Variants in SULF2 observed in about 807,000 individuals in gnomAD.
The protein encoded by SULF2 is extracellular sulfatase Sulf-2.
Under a neutral mutation model 107.7 loss-of-function variants are expected in SULF2, and 52 were observed. The observed-to-expected ratio is 0.48, with a 90% CI of 0.39 to 0.61. The LOEUF is 0.61. SULF2 is among the 20% of genes least tolerant of loss of function. The probability of loss-of-function intolerance (pLI) is 0.00; values close to 1 mark genes in which losing one functional copy is unlikely to be tolerated. For synonymous variants in SULF2, 460 were observed against 464.3 expected (o/e 0.99, Z 0.12); for missense variants, 993 against 1,177.3 (o/e 0.84, Z 2.29).
At chr20:47,663,038 AC>A in intron 17 of SULF2, 31 bp downstream of exon 17, 1 of 1,613,346 alleles carries the variant, frequency 6.2e-7, no homozygotes, top group South Asian at 1.1e-5. Flanking sequence ...TGTACCCCAC[AC>A]CCCCATCCCT....
At chr20:47,718,945 G>T (rs748740474) in intron 3 of SULF2, among the ~76,000 whole-genome samples, 3 of 152,222 alleles carry the variant, frequency 2.0e-5, no homozygotes, top group Non-Finnish European at 4.4e-5. Context: ...TGAGGAAGAG[G>T]TTCTTAATCT....
chr20:47,675,148 C>A (rs1353088947), intron 10 of SULF2, among the ~76,000 whole-genome samples: 1 of 152,212 alleles, frequency 6.6e-6, no homozygotes, highest in Non-Finnish European at 1.5e-5. Context: ...GGGGACTTGA[C>A]AACGTTCCCT....
At chr20:47,739,354 C>A (rs1233124813) in intron 2 of SULF2, among the ~76,000 whole-genome samples, 1 of 152,160 alleles carries the variant, frequency 6.6e-6, no homozygotes, top group African/African-American at 2.4e-5. Context: ...GCTCAGCAAT[C>A]AGCTGCTTCT....
rs181561019 is a variant in SULF2 at position 47,691,220 on chromosome 20, A to G, written c.568-925T>C. On this transcript the variant is annotated intron_variant, in intron 4 of 20. Coordinates refer to ENST00000688720, the MANE Select transcript of SULF2 (RefSeq NM_001387048.1). ...GGCAGGAGCAGACACATGTATAAAT[A>G]AAGAACCAAGGTAGTTAAAAGTTAT... Among the ~76,000 whole-genome samples the G allele has an allele frequency of 2.1e-3, 327 of 152,324 alleles. 3 individuals carry two copies. Among genetic ancestry groups the G allele is most frequent in the Non-Finnish European group, 1.4e-3 (95 of 68,032 alleles).
At chr20:47,688,279 G>C (rs1252928440) in intron 5 of SULF2, among the ~76,000 whole-genome samples, 1 of 151,884 alleles carries the variant, frequency 6.6e-6, no homozygotes, top group East Asian at 1.9e-4. Context: ...TCTCTTTTTT[G>C]GTTTCTTTCG....
Position 47,658,244 on chromosome 20 carries a change from C to CT in SULF2, c.*117dup. On this transcript the variant is annotated 3_prime_UTR_variant, in exon 21 of 21. Transcript: ENST00000688720. The stretch of plus-strand genomic sequence containing the variant: ...CATGTTGACTGAGAGTGCGTGCTTG[C>CT]TTTCTCAGGCCTCCTGGCCAATACC... 1 of 1,072,208 alleles carries CT rather than the reference C, an allele frequency of 9.3e-7. No individual in the cohort carries two copies. The highest frequency in any genetic ancestry group is 1.5e-6 in the Non-Finnish European group (1 of 689,114). The allele number at this position is 1,072,208 out of a possible 1,614,324, so 66.4% of individuals were successfully genotyped here. A position where few individuals can be genotyped will look rare whatever the true frequency, so the allele number is the denominator to read the frequency against.
At chr20:47,728,632 A>G (rs973138945) in intron 3 of SULF2, among the ~76,000 whole-genome samples, 7 of 151,282 alleles carry the variant, frequency 4.6e-5, no homozygotes, top group Non-Finnish European at 1.0e-4. Flanking sequence ...CGCTGCTTCC[A>G]GGGAGCTGGC....
At chr20:47,730,452 T>C (rs2089565248) in intron 3 of SULF2, among the ~76,000 whole-genome samples, 1 of 152,084 alleles carries the variant, frequency 6.6e-6, no homozygotes, top group African/African-American at 2.4e-5. Flanking sequence ...GCCTTTTTGT[T>C]GTTGTTACTT....
rs6125083 is a variant in SULF2 at position 47,715,137 on chromosome 20, G to A, written c.416-12467C>T. On this transcript the variant is annotated intron_variant, in intron 3 of 20. Coordinates refer to ENST00000688720, the MANE Select transcript of SULF2 (RefSeq NM_001387048.1). ...TGTAGAGACAGGGTTTCATTATGTT[G>A]CCCAGGCTGGTCTCAATGCCTGGGC... 3.5e-5 allele frequency among the ~76,000 whole-genome samples: 4 copies of A among 114,828 alleles called. No homozygotes were observed. In the East Asian group the frequency reaches 7.1e-4, roughly 20 times the overall value. The allele number at this position is 114,828 out of a possible 152,430, so 75.3% of individuals were successfully genotyped here.
chr20:47,780,460 C>A (rs2090810026), intron 1 of SULF2, among the ~76,000 whole-genome samples: 1 of 152,206 alleles, frequency 6.6e-6, no homozygotes, highest in Non-Finnish European at 1.5e-5. Context: ...TTCCTAAAAT[C>A]TAGGTCACAG....
intron 1 of SULF2, among the ~76,000 whole-genome samples, chr20:47,758,397 C>G (rs532172838): frequency 2.4e-4 from 37 of 152,266 alleles, no homozygotes; most frequent in South Asian, 4.2e-4. Flanking sequence ...TCTTGAACTC[C>G]TGAACTCAGG....
intron 18 of SULF2, 25 bp from the exon 19 acceptor site, chr20:47,659,755 A>C: frequency 6.2e-7 from 1 of 1,602,640 alleles, no homozygotes; most frequent in Non-Finnish European, 8.5e-7. Context: ...AATGAAAAAC[A>C]AAACAGGAGC....
intron 4 of SULF2, among the ~76,000 whole-genome samples, chr20:47,691,691 CAG>C (rs919376951): frequency 1.3e-5 from 2 of 152,040 alleles, no homozygotes; most frequent in African/African-American, 4.8e-5. Flanking sequence ...GATAAAATGT[CAG>C]AGGGTAAAAT....
intron 4 of SULF2, among the ~76,000 whole-genome samples, chr20:47,698,280 G>C (rs144721415): frequency 1.3e-5 from 2 of 152,200 alleles, no homozygotes; most frequent in African/African-American, 4.8e-5. Flanking sequence ...ACGTTCCAGC[G>C]TAGAGCTCCT....
Position 47,753,098 on chromosome 20 carries a change from CAAA to C in SULF2, c.175+4088_175+4090del, listed in dbSNP as rs10578438. Among the ~76,000 whole-genome samples, 153 of 90,636 alleles carry C rather than the reference CAAA, an allele frequency of 1.7e-3. 2 individuals are homozygous for C. The highest frequency in any genetic ancestry group is 5.5e-3 in the Middle Eastern group (1 of 182). The allele number at this position is 90,636 out of a possible 152,430, so 59.5% of individuals were successfully genotyped here. On this transcript the variant is annotated intron_variant, in intron 2 of 20. Transcript: ENST00000688720. Reference sequence around the variant, plus strand: ...CCTGGGTGACAGAGTGAGACTCTCTCAAAAAAAAAAAAAAAAAAAAAGAAAGAA... The same window carrying C: ...CCTGGGTGACAGAGTGAGACTCTCTCAAAAAAAAAAAAAAAAAAGAAAGAA...
At position 47,743,978 on chromosome 20, in the gene SULF2, C is replaced by T. The variant is rs573805256; in HGVS notation, c.176-7036G>A. Among the ~76,000 whole-genome samples, 5 of 152,278 alleles carry T rather than the reference C, an allele frequency of 3.3e-5. No individual in the cohort carries two copies. In the East Asian group the frequency reaches 5.8e-4, roughly 18 times the overall value. ...TGGACTGTGCTGATTAGAATCATGC[C>T]CTCCCCTTCCTTCTTGCCTTTTGCT... On this transcript the variant is annotated intron_variant, in intron 2 of 20. Transcript: ENST00000688720.
intron 5 of SULF2, among the ~76,000 whole-genome samples, chr20:47,688,725 G>C (rs4810651): frequency 0.87 from 131,424 of 151,880 alleles, 57,339 homozygotes; most frequent in African/African-American, 0.97. Context: ...CCCCTGGGAC[G>C]CAGCTCATCG....
chr20:47,685,762 A>C (rs2087980416), intron 5 of SULF2: 1 of 152,040 alleles, frequency 6.6e-6, no homozygotes, highest in Non-Finnish European at 1.5e-5. Context: ...TGATCCACCC[A>C]CCTTGGCCTC....
chr20:47,756,245 T>A, intron 2 of SULF2, among the ~76,000 whole-genome samples: 1 of 152,094 alleles, frequency 6.6e-6, no homozygotes. Flanking sequence ...AGACTCCCCA[T>A]AGTTATCAAA....
Sources: allele counts gnomAD v4.1 joint callset (sites outside exome capture counted in the v4.1 genomes callset), GRCh38; gene constraint gnomAD v4.1.1; transcripts MANE v1.5; gene names NCBI Gene and HGNC (gene_info 2026-07-23, HGNC 2026-07-21).